The following COMMD10 variants were observed in gnomAD, a reference collection of about 807,000 sequenced individuals.
COMMD10 encodes the protein COMM domain containing 10.
COMMD10 carries 33 observed loss-of-function variants against 28.9 expected under a neutral mutation model. The observed-to-expected ratio is 1.14, with a 90% confidence interval of 0.87 to 1.53. COMMD10 has a LOEUF of 1.53. COMMD10 is among the 40% of genes most tolerant of loss of function. COMMD10 has a pLI of 0.00. For missense variants in COMMD10, 310 were observed against 233.4 expected (o/e 1.33, Z -2.14); for synonymous variants, 110 against 81.7 (o/e 1.35, Z -1.87).
chr5:116,102,663 T>A (rs568623023), intron 4 of COMMD10, among the ~76,000 whole-genome samples: 1 of 152,316 alleles, frequency 6.6e-6, no homozygotes, highest in East Asian at 1.9e-4. Flanking sequence ...GTCATTTTAA[T>A]AATAATTCTT....
intron 4 of COMMD10, among the ~76,000 whole-genome samples, chr5:116,120,013 T>C (rs975359179): frequency 6.6e-6 from 1 of 152,156 alleles, no homozygotes; most frequent in Non-Finnish European, 1.5e-5. Context: ...TTGATAGCTG[T>C]ATTTCCATGA....
intron 5 of COMMD10, among the ~76,000 whole-genome samples, chr5:116,142,674 A>G (rs533790781): frequency 2.0e-5 from 3 of 151,840 alleles, no homozygotes; most frequent in Admixed American, 6.6e-5. Flanking sequence ...GAGGCCAGTA[A>G]AAAGCCCAGA....
intron 5 of COMMD10, among the ~76,000 whole-genome samples, chr5:116,163,813 T>G (rs369831986): frequency 1.3e-5 from 2 of 152,214 alleles, no homozygotes; most frequent in East Asian, 1.9e-4. Context: ...AAATTATATG[T>G]CTTTTTTAAT....
chr5:116,247,453 A>C (rs1052178776), intron 5 of COMMD10, among the ~76,000 whole-genome samples: 6 of 152,090 alleles, frequency 3.9e-5, no homozygotes, highest in Admixed American at 6.6e-5. Flanking sequence ...TCAAGCCAGC[A>C]ATCTCATTGC....
chr5:116,089,454 C>G (rs1356424776), intron 2 of COMMD10, among the ~76,000 whole-genome samples: 1 of 152,198 alleles, frequency 6.6e-6, no homozygotes, highest in Non-Finnish European at 1.5e-5. Flanking sequence ...ATTTCTTCAG[C>G]TGGTGGGTGC....
chr5:116,213,108 G>T (rs935078397), intron 5 of COMMD10, among the ~76,000 whole-genome samples: 16 of 151,994 alleles, frequency 1.1e-4, no homozygotes, highest in Non-Finnish European at 1.6e-4. Flanking sequence ...CCTGCTTTCT[G>T]CTAGAATACC....
chr5:116,237,849 C>A (rs115617164), intron 5 of COMMD10, among the ~76,000 whole-genome samples: 4 of 152,194 alleles, frequency 2.6e-5, no homozygotes, highest in Non-Finnish European at 5.9e-5. Flanking sequence ...ATCATCAACT[C>A]CTACTGAGAA....
In COMMD10 at chr5:116,288,966, C is replaced by G. The variant is rs1434173151; in HGVS notation, c.511-2551C>G. On this transcript the variant is annotated intron_variant, in intron 5 of 6. Coordinates refer to ENST00000274458, the MANE Select transcript of COMMD10 (RefSeq NM_016144.4). ...GCATAATCTTGGCTGACTGCAACCT[C>G]TGCCTCCTGGGTTCAAGTGATTCTC... is the stretch of plus-strand genomic sequence containing the variant. Among the ~76,000 whole-genome samples, 6 of 145,118 alleles carry G rather than the reference C, an allele frequency of 4.1e-5. No homozygotes were observed. In the East Asian group the frequency reaches 1.2e-3, roughly 30 times the overall value.
intron 5 of COMMD10, among the ~76,000 whole-genome samples, chr5:116,240,231 CAA>C (rs1048022173): frequency 2.0e-5 from 3 of 147,302 alleles, no homozygotes; most frequent in African/African-American, 7.5e-5. Context: ...GAAGACGTAA[CAA>C]AAAAGAAAAA....
chr5:116,192,468 G>GA (rs1431292104), intron 5 of COMMD10, among the ~76,000 whole-genome samples: 1 of 152,042 alleles, frequency 6.6e-6, no homozygotes, highest in African/African-American at 2.4e-5. Context: ...ATACTTTAAA[G>GA]AAAAAACAAT....
intron 5 of COMMD10, among the ~76,000 whole-genome samples, chr5:116,193,160 G>A (rs1259569152): frequency 1.3e-5 from 2 of 152,122 alleles, no homozygotes; most frequent in Admixed American, 6.6e-5. Flanking sequence ...GCTAAAAGGA[G>A]GTCTAAATCT....
chr5:116,137,896 A>T (rs75474035), intron 5 of COMMD10, among the ~76,000 whole-genome samples: 3,137 of 152,018 alleles, frequency 0.021, 105 homozygotes, highest in African/African-American at 0.07. Flanking sequence ...GTGTTTGTCT[A>T]CTGTGTTTAG....
intron 5 of COMMD10, among the ~76,000 whole-genome samples, chr5:116,275,854 G>A (rs777882030): frequency 1.3e-4 from 19 of 151,376 alleles, no homozygotes; most frequent in East Asian, 9.7e-4. Flanking sequence ...GTTAATGAGC[G>A]TACAAGTAAT....
chr5:116,087,877 C>T (rs12517508), intron 2 of COMMD10, among the ~76,000 whole-genome samples: 16,090 of 152,052 alleles, frequency 0.11, 941 homozygotes, highest in African/African-American at 0.15. Flanking sequence ...TGTGTTTGAC[C>T]TTGGATCTGT....
rs185166690 is a variant in COMMD10, at chr5:116,272,733, G to T, written c.511-18784G>T. Among the ~76,000 whole-genome samples, 81 of 151,938 alleles carry T rather than the reference G, an allele frequency of 5.3e-4. No individual in the cohort carries two copies. In the East Asian group the frequency reaches 0.012, roughly 22 times the overall value. On this transcript the variant is annotated intron_variant, in intron 5 of 6. Coordinates refer to ENST00000274458, the MANE Select transcript of COMMD10 (RefSeq NM_016144.4). ...GAAAGCTCTGTTCTTGTCTGCAGTT[G>T]ATCTGGGTGTTGTAAGAGTTTTGGC...
intron 5 of COMMD10, among the ~76,000 whole-genome samples, chr5:116,137,141 C>G (rs1337770946): frequency 6.6e-6 from 1 of 152,026 alleles, no homozygotes; most frequent in Non-Finnish European, 1.5e-5. Flanking sequence ...TTTACCTTCT[C>G]CTTGATTTTA....
At chr5:116,283,351 C>CT (rs535692272) in intron 5 of COMMD10, among the ~76,000 whole-genome samples, 5,452 of 145,200 alleles carry the variant, frequency 0.038, 386 homozygotes, top group African/African-American at 0.13. Context: ...AAAATAACAA[C>CT]TTTTTTTTTT....
chr5:116,219,127 G>T (rs1006933192), intron 5 of COMMD10, among the ~76,000 whole-genome samples: 5 of 152,150 alleles, frequency 3.3e-5, no homozygotes, highest in Admixed American at 6.5e-5. Flanking sequence ...GGAGAAACCA[G>T]CCCTGCGGAC....
chr5:116,173,122 TAA>T (rs1561647650), intron 5 of COMMD10, among the ~76,000 whole-genome samples: 1 of 151,904 alleles, frequency 6.6e-6, no homozygotes, highest in Non-Finnish European at 1.5e-5. Flanking sequence ...AAGGTTAAGG[TAA>T]AGTCATATAA....
Sources: allele counts gnomAD v4.1 joint callset (sites outside exome capture counted in the v4.1 genomes callset), GRCh38; gene constraint gnomAD v4.1.1; transcripts MANE v1.5; gene names NCBI Gene and HGNC (gene_info 2026-07-23, HGNC 2026-07-21).